The following MARCHF10 variants were observed in gnomAD, a reference collection of about 807,000 sequenced individuals.
MARCHF10 encodes membrane associated ring-CH-type finger 10.
A neutral mutation model predicts 76.2 loss-of-function variants in MARCHF10; 64 were observed. The ratio of observed to expected loss-of-function variants is 0.84; its 90% CI spans 0.69 to 1.03. The LOEUF is 1.03. MARCHF10 is among the 50% of genes least tolerant of loss of function. The pLI is 0.00. For synonymous variants in MARCHF10, 340 were observed against 357.5 expected (o/e 0.95, Z 0.55); for missense variants, 875 against 958.0 (o/e 0.91, Z 1.14).
intron 10 of MARCHF10, among the ~76,000 whole-genome samples, chr17:62,702,914 C>A (rs1439767083): frequency 2.0e-5 from 3 of 152,180 alleles, no homozygotes; most frequent in Admixed American, 6.5e-5. Flanking sequence ...AGCCTTTGGC[C>A]AAGGGCCCTC....
intron 3 of MARCHF10, among the ~76,000 whole-genome samples, chr17:62,763,439 C>A (rs2092258658): frequency 1.3e-5 from 2 of 151,952 alleles, no homozygotes; most frequent in African/African-American, 4.8e-5. Flanking sequence ...AAATATGGTG[C>A]AATGGTTTTT....
intron 7 of MARCHF10, 77 bp downstream of exon 7, chr17:62,724,861 G>T: frequency 6.6e-7 from 1 of 1,526,562 alleles, no homozygotes; most frequent in Non-Finnish European, 9.0e-7. Flanking sequence ...TGATGACAAG[G>T]CTCCGGGGCC....
intron 3 of MARCHF10, among the ~76,000 whole-genome samples, chr17:62,780,422 T>C (rs1005042880): frequency 6.6e-6 from 1 of 152,196 alleles, no homozygotes; most frequent in African/African-American, 2.4e-5. Flanking sequence ...GTGTTTACGT[T>C]GGGTAACAGC....
chr17:62,706,394 A>G (rs1057266682), intron 9 of MARCHF10: 4 of 152,110 alleles, frequency 2.6e-5, no homozygotes. Context: ...GATAACCTCC[A>G]CCTGCCTCTA....
intron 1 of MARCHF10, 50 bp from the exon 2 acceptor site, chr17:62,801,802 A>G (rs1019285578): frequency 1.1e-5 from 14 of 1,303,362 alleles, no homozygotes; most frequent in Admixed American, 8.5e-5. Flanking sequence ...CTTTGTCGTG[A>G]TGCCGTATTT....
chr17:62,761,757 C>A (rs1280361431), intron 3 of MARCHF10, among the ~76,000 whole-genome samples: 1 of 152,148 alleles, frequency 6.6e-6, no homozygotes, highest in Non-Finnish European at 1.5e-5. Flanking sequence ...GAGATAGGTT[C>A]TCTATTCTCA....
chr17:62,795,816 T>C (rs1165229567), intron 2 of MARCHF10, among the ~76,000 whole-genome samples: 1 of 152,166 alleles, frequency 6.6e-6, no homozygotes, highest in Non-Finnish European at 1.5e-5. Flanking sequence ...TGCCCTGAAA[T>C]GGGGAATCCC....
At chr17:62,734,735 TAA>T (rs773638531) in intron 6 of MARCHF10, among the ~76,000 whole-genome samples, 26 of 152,222 alleles carry the variant, frequency 1.7e-4, no homozygotes, top group Non-Finnish European at 3.4e-4. Context: ...AAGAAAAGCA[TAA>T]AGTTTATTAT....
chr17:62,707,276 C>T (rs1178297156), intron 9 of MARCHF10, among the ~76,000 whole-genome samples: 2 of 152,238 alleles, frequency 1.3e-5, no homozygotes, highest in African/African-American at 2.4e-5. Flanking sequence ...TCCCTGCCTG[C>T]ACCTTAGGCT....
At chr17:62,748,105 A>C (rs985776878) in intron 4 of MARCHF10, among the ~76,000 whole-genome samples, 1 of 152,180 alleles carries the variant, frequency 6.6e-6, no homozygotes, top group Non-Finnish European at 1.5e-5. Flanking sequence ...CATGGGTTTA[A>C]GAGTTTCTAG....
intron 6 of MARCHF10, among the ~76,000 whole-genome samples, chr17:62,734,793 G>A (rs149196233): frequency 3.3e-5 from 5 of 152,214 alleles, no homozygotes; most frequent in Admixed American, 6.5e-5. Context: ...ATAGGTACAC[G>A]AATAATAGCT....
chr17:62,763,964 T>C (rs2092269514), intron 3 of MARCHF10, among the ~76,000 whole-genome samples: 1 of 152,134 alleles, frequency 6.6e-6, no homozygotes, highest in East Asian at 1.9e-4. Context: ...CTTTCAAAAG[T>C]TCACAGAAAG....
At chr17:62,803,937 G>A (rs548132949) in intron 1 of MARCHF10, among the ~76,000 whole-genome samples, 27 of 152,162 alleles carry the variant, frequency 1.8e-4, no homozygotes, top group Non-Finnish European at 3.7e-4. Flanking sequence ...TATTTCGCAG[G>A]TGAGGAAACT....
At chr17:62,720,501 C>T (rs1018832384) in intron 8 of MARCHF10, among the ~76,000 whole-genome samples, 8 of 152,154 alleles carry the variant, frequency 5.3e-5, no homozygotes, top group Admixed American at 2.6e-4. Context: ...TTAGGTATGG[C>T]GCTCTGATAA....
chr17:62,707,768 T>G (rs1460473361), intron 9 of MARCHF10, among the ~76,000 whole-genome samples: 1 of 152,174 alleles, frequency 6.6e-6, no homozygotes, highest in Non-Finnish European at 1.5e-5. Context: ...AGATTCTGAG[T>G]CTCTTCTAGG....
At chr17:62,727,941 C>T (rs2090839970) in intron 6 of MARCHF10, among the ~76,000 whole-genome samples, 1 of 152,204 alleles carries the variant, frequency 6.6e-6, no homozygotes, top group South Asian at 2.1e-4. Context: ...TGCCCCCTTT[C>T]AGATACCCTG....
Position 62,757,000 on chromosome 17 carries a change from G to A in MARCHF10, c.382+2835C>T, listed in dbSNP as rs1195829762. 3.9e-5 allele frequency among the ~76,000 whole-genome samples: 6 copies of A among 152,156 alleles called. No individual in the cohort carries two copies. The East Asian group carries it at 9.6e-4, about 24-fold the overall frequency. On this transcript the variant is annotated intron_variant, in intron 4 of 10. Coordinates refer to ENST00000311269, the MANE Select transcript of MARCHF10 (RefSeq NM_152598.4). ...AATCTGTTTGTAGAGGGCATTGATA[G>A]TTCCTATATTTTAAATAGTTGTTTT...
At chr17:62,779,099 C>T (rs996424678) in intron 3 of MARCHF10, among the ~76,000 whole-genome samples, 2 of 152,180 alleles carry the variant, frequency 1.3e-5, no homozygotes, top group East Asian at 1.9e-4. Context: ...TGCAGAGCTG[C>T]GTTCTTACCC....
chr17:62,704,609 AC>A (rs1204303547), intron 10 of MARCHF10, among the ~76,000 whole-genome samples: 1 of 152,060 alleles, frequency 6.6e-6, no homozygotes, highest in Non-Finnish European at 1.5e-5. Context: ...TCTCAAAAGC[AC>A]CCCCGCAGTC....
Sources: gnomAD v4.1 joint callset for allele counts (sites outside exome capture counted in the v4.1 genomes callset) on GRCh38, gnomAD v4.1.1 for gene constraint, MANE v1.5 for transcripts, NCBI Gene and HGNC (gene_info 2026-07-23, HGNC 2026-07-21) for gene names.